The following ATP8A2 variants were observed in gnomAD, a reference collection of about 807,000 sequenced individuals.
The protein encoded by ATP8A2 is ATPase phospholipid transporting 8A2, also known as phospholipid-transporting ATPase IB.
A neutral mutation model predicts 165.6 loss-of-function variants in ATP8A2; 100 were observed. That is an observed-to-expected ratio of 0.60 (90% CI 0.51 to 0.71). The LOEUF (loss-of-function observed/expected upper bound fraction) is 0.71, where lower values mean the gene tolerates loss of function less well. ATP8A2 is among the 30% of genes least tolerant of loss of function. The pLI, the probability that ATP8A2 is intolerant of heterozygous loss-of-function variation, is 0.00. For synonymous variants in ATP8A2, 543 were observed against 548.8 expected (o/e 0.99, Z 0.15); for missense variants, 1,227 against 1,479.5 (o/e 0.83, Z 2.80).
At chr13:25,958,209 G>A (rs563509349) in intron 33 of ATP8A2, among the ~76,000 whole-genome samples, 70 of 151,852 alleles carry the variant, frequency 4.6e-4, no homozygotes, top group African/African-American at 1.6e-3. Flanking sequence ...GTGATGGGTT[G>A]ATGGGTGCAG....
At chr13:25,958,599 A>G (rs1021280276) in intron 33 of ATP8A2, among the ~76,000 whole-genome samples, 3 of 152,212 alleles carry the variant, frequency 2.0e-5, no homozygotes, top group African/African-American at 7.2e-5. Context: ...AATTTACTGC[A>G]GTGAGTTCCT....
At chr13:25,681,345 C>T (rs940869437) in intron 24 of ATP8A2, among the ~76,000 whole-genome samples, 4 of 152,300 alleles carry the variant, frequency 2.6e-5, no homozygotes, top group East Asian at 1.9e-4. Flanking sequence ...TTAATGCTAA[C>T]GTTTTAGAAG....
intron 1 of ATP8A2, among the ~76,000 whole-genome samples, chr13:25,467,175 G>T (rs1057045966): frequency 3.9e-5 from 6 of 152,170 alleles, no homozygotes; most frequent in Admixed American, 6.5e-5. Flanking sequence ...GGAGATGAGG[G>T]ATCCTGTCTG....
chr13:25,974,855 G>A (rs1955995851), intron 35 of ATP8A2, among the ~76,000 whole-genome samples: 1 of 152,018 alleles, frequency 6.6e-6, no homozygotes, highest in Non-Finnish European at 1.5e-5. Context: ...CCTTGGGGTG[G>A]TGCCTGTCCC....
intron 1 of ATP8A2, among the ~76,000 whole-genome samples, chr13:25,413,362 A>G (rs977107284): frequency 1.4e-5 from 2 of 146,156 alleles, no homozygotes; most frequent in African/African-American, 5.1e-5. Flanking sequence ...ACTCACTGCA[A>G]CATCCACCTC....
chr13:25,468,590 G>C (rs1055682775), intron 1 of ATP8A2, among the ~76,000 whole-genome samples: 2 of 152,190 alleles, frequency 1.3e-5, no homozygotes, highest in Non-Finnish European at 2.9e-5. Context: ...AGATGGCTGG[G>C]GGTGCCGCTG....
At chr13:25,684,631 G>A (rs144840069) in intron 24 of ATP8A2, among the ~76,000 whole-genome samples, 2 of 152,326 alleles carry the variant, frequency 1.3e-5, no homozygotes, top group African/African-American at 2.4e-5. Context: ...AGGTCGTTCA[G>A]GAGTCTCGGA....
chr13:25,465,663 TTTTC>T lies in ATP8A2; in HGVS notation c.77-3241_77-3238del, dbSNP rs1174243477. Among the ~76,000 whole-genome samples, 491 of 86,376 alleles carry T rather than the reference TTTTC, an allele frequency of 5.7e-3. 25 individuals are homozygous for T. Among genetic ancestry groups the T allele is most frequent in the African/African-American group, 0.014 (308 of 21,506 alleles). 56.7% of individuals were successfully genotyped at this position (86,376 alleles called of 152,430 possible). On this transcript the variant is annotated intron_variant, in intron 1 of 36. Coordinates refer to ENST00000381655, the MANE Select transcript of ATP8A2 (RefSeq NM_016529.6). ...TCACCTCCCCAGAAATCTTGCAGAGTTTTCTTTCTTTCTTTCTTTCTTTCTTTCT... is the reference window on the plus strand; with the variant it reads ...TCACCTCCCCAGAAATCTTGCAGAGTTTTCTTTCTTTCTTTCTTTCTTTCT...
rs7336217 is a variant in ATP8A2 at position 25,599,151 on chromosome 13, G to A, written c.2211+9452G>A. Among the ~76,000 whole-genome samples, 5 of 151,960 alleles carry A rather than the reference G, an allele frequency of 3.3e-5. 1 individual carries two copies. Among genetic ancestry groups the A allele is most frequent in the Non-Finnish European group, 7.3e-5 (5 of 68,028 alleles). On this transcript the variant is annotated intron_variant, in intron 24 of 36. Coordinates refer to ENST00000381655, the MANE Select transcript of ATP8A2 (RefSeq NM_016529.6). ...AATTTCATGTCATGTCCCTGTACAT[G>A]TGCATAAATTAGCATTTGCTTAAAG...
chr13:25,512,304 T>A (rs1182659002), intron 2 of ATP8A2, among the ~76,000 whole-genome samples: 38 of 152,252 alleles, frequency 2.5e-4, no homozygotes, highest in African/African-American at 9.1e-4. Context: ...ACGGCAACCA[T>A]CCGATTTCTC....
intron 20 of ATP8A2, among the ~76,000 whole-genome samples, chr13:25,578,362 T>C (rs959432784): frequency 1.1e-4 from 17 of 152,224 alleles, no homozygotes; most frequent in African/African-American, 3.9e-4. Flanking sequence ...GTGTGTTTCT[T>C]GGCAGAACTG....
rs546595622 is a variant in ATP8A2, at chr13:25,813,728, G to A, written c.2680-14390G>A. Among the ~76,000 whole-genome samples, 16 of 152,218 alleles carry A rather than the reference G, an allele frequency of 1.1e-4. No homozygotes were observed. The South Asian group carries it at 3.3e-3, about 32-fold the overall frequency. On this transcript the variant is annotated intron_variant, in intron 27 of 36. Coordinates refer to ENST00000381655, the MANE Select transcript of ATP8A2 (RefSeq NM_016529.6). Reference sequence around the variant, plus strand: ...TTATATGAACTTTACTGAGCCATGGGATGCCCAGGTATTTGGTCAACATTA... The same window carrying A: ...TTATATGAACTTTACTGAGCCATGGAATGCCCAGGTATTTGGTCAACATTA...
chr13:25,543,253 G>A, intron 9 of ATP8A2, 38 bp from the exon 10 acceptor site: 1 of 1,304,960 alleles, frequency 7.7e-7, no homozygotes, highest in Non-Finnish European at 1.1e-6. Context: ...TTATTTTCCA[G>A]ACTATCATTA....
At chr13:25,645,841 T>C (rs2041657387) in intron 24 of ATP8A2, among the ~76,000 whole-genome samples, 1 of 152,192 alleles carries the variant, frequency 6.6e-6, no homozygotes, top group African/African-American at 2.4e-5. Context: ...TGTCATATGA[T>C]CTGTCTTGGT....
At chr13:25,398,390 C>T (rs1196953895) in intron 1 of ATP8A2, among the ~76,000 whole-genome samples, 1 of 152,122 alleles carries the variant, frequency 6.6e-6, no homozygotes, top group African/African-American at 2.4e-5. Flanking sequence ...GTATGTCTGA[C>T]CCCCTCCTTC....
chr13:25,905,359 A>G (rs1388715372), intron 33 of ATP8A2, among the ~76,000 whole-genome samples: 2 of 151,972 alleles, frequency 1.3e-5, no homozygotes, highest in East Asian at 1.9e-4. Context: ...ATCCTGATCT[A>G]TCACTTCTTA....
intron 26 of ATP8A2, 81 bp downstream of exon 26, chr13:25,769,310 TGCA>T (rs2044567075): frequency 1.4e-6 from 2 of 1,403,232 alleles, no homozygotes; most frequent in Admixed American, 2.2e-5. Context: ...TAACCTTCAG[TGCA>T]TCTCCAAACC....
chr13:25,885,893 G>T (rs765553198), intron 33 of ATP8A2, among the ~76,000 whole-genome samples: 1 of 152,118 alleles, frequency 6.6e-6, no homozygotes, highest in Non-Finnish European at 1.5e-5. Flanking sequence ...TAATAACCAG[G>T]ATCCCTAGTG....
At chr13:25,833,612 G>A (rs183746337) in intron 28 of ATP8A2, among the ~76,000 whole-genome samples, 1 of 152,128 alleles carries the variant, frequency 6.6e-6, no homozygotes, top group Admixed American at 6.5e-5. Context: ...GGAAAGTTTG[G>A]CCTCATTAAT....
Sources: gnomAD v4.1 joint callset for allele counts (sites outside exome capture counted in the v4.1 genomes callset) on GRCh38, gnomAD v4.1.1 for gene constraint, MANE v1.5 for transcripts, NCBI Gene and HGNC (gene_info 2026-07-23, HGNC 2026-07-21) for gene names.